Variants in CD72 observed in about 807,000 individuals in gnomAD.
The protein encoded by CD72 is CD72 molecule.
Under a neutral mutation model 50.7 loss-of-function variants are expected in CD72, and 28 were observed. The observed-to-expected ratio is 0.55, with a 90% CI of 0.41 to 0.76. CD72 has a LOEUF of 0.76. Ranked by LOEUF, CD72 falls within the 30% of genes least tolerant of loss-of-function variation. The pLI, the probability that CD72 is intolerant of heterozygous loss-of-function variation, is 0.00. For synonymous variants in CD72, 176 were observed against 171.2 expected (o/e 1.03, Z -0.22); for missense variants, 403 against 420.6 (o/e 0.96, Z 0.37).
chr9:35,614,158 A>C (rs1172431119), intron 5 of CD72, among the ~76,000 whole-genome samples: 1 of 152,368 alleles, frequency 6.6e-6, no homozygotes, highest in East Asian at 1.9e-4. Flanking sequence ...AAGTCAGTGT[A>C]GGGTTTTACA....
intron 3 of CD72, 146 bp from the exon 4 acceptor site, chr9:35,616,835 C>A: frequency 1.0e-6 from 1 of 1,001,004 alleles, no homozygotes; most frequent in South Asian, 1.5e-5. Context: ...ATGGTGGTTT[C>A]TGTCGGGTAG....
intron 4 of CD72, 82 bp from the exon 5 acceptor site, chr9:35,616,360 G>C (rs1823064373): frequency 8.7e-6 from 10 of 1,147,326 alleles, no homozygotes; most frequent in Admixed American, 7.0e-5. Context: ...CCCTTTTTCT[G>C]CTTCTTGCAA....
chr9:35,610,796 T>A (rs183737837), intron 7 of CD72, 43 bp from the exon 8 acceptor site: 4 of 1,538,230 alleles, frequency 2.6e-6, no homozygotes, highest in Non-Finnish European at 3.6e-6. Context: ...TCTGGACATA[T>A]CCCACCCTCC....
upstream of CD72, chr9:35,618,482 T>A (rs755748054): frequency 1.0e-5 from 15 of 1,440,362 alleles, no homozygotes; most frequent in Non-Finnish European, 7.5e-6. Flanking sequence ...CTCAAACAGA[T>A]GGGCTCAATG....
intron 1 of CD72, among the ~76,000 whole-genome samples, chr9:35,636,155 GTTGT>G (rs1302173978): frequency 6.6e-6 from 1 of 152,072 alleles, no homozygotes; most frequent in African/African-American, 2.4e-5. Context: ...AGTTTTGTAG[GTTGT>G]TTAACAGCAT....
At chr9:35,638,404 C>T (rs527781449) in intron 1 of CD72, among the ~76,000 whole-genome samples, 232 of 152,258 alleles carry the variant, frequency 1.5e-3, no homozygotes, top group Non-Finnish European at 2.5e-3. Flanking sequence ...TATAACCCTT[C>T]TATCACCTCC....
At chr9:35,632,503 A>T (rs1260946575) in intron 1 of CD72, among the ~76,000 whole-genome samples, 1 of 150,364 alleles carries the variant, frequency 6.7e-6, no homozygotes. Flanking sequence ...TTTCTTTCTC[A>T]TAACTAATCT....
intron 1 of CD72, among the ~76,000 whole-genome samples, chr9:35,626,133 G>T (rs1338168937): frequency 6.6e-6 from 1 of 150,604 alleles, no homozygotes; most frequent in South Asian, 2.1e-4. Context: ...AAGAGGATTC[G>T]CCATTCTAGA....
upstream of CD72, among the ~76,000 whole-genome samples, chr9:35,621,514 T>A (rs1384743837): frequency 6.6e-6 from 1 of 152,190 alleles, no homozygotes; most frequent in Non-Finnish European, 1.5e-5. Context: ...CAGGGTGTGG[T>A]AGCCAGAATA....
intron 1 of CD72, among the ~76,000 whole-genome samples, chr9:35,637,548 C>G (rs1253432690): frequency 6.6e-6 from 1 of 152,210 alleles, no homozygotes; most frequent in African/African-American, 2.4e-5. Flanking sequence ...CCCTCTCTTG[C>G]TACCCTTCAA....
At chr9:35,644,394 G>A (rs1307634613) in intron 1 of CD72, among the ~76,000 whole-genome samples, 2 of 146,692 alleles carry the variant, frequency 1.4e-5, no homozygotes, top group African/African-American at 5.0e-5. Flanking sequence ...TTATTTGTAA[G>A]GACTGGCTCC....
chr9:35,640,583 C>A (rs559644408), intron 1 of CD72, among the ~76,000 whole-genome samples: 1 of 152,358 alleles, frequency 6.6e-6, no homozygotes, highest in East Asian at 1.9e-4. Flanking sequence ...TCGGGAGTGG[C>A]AATGGGAGTC....
At chr9:35,630,530 A>G (rs894845028) in intron 1 of CD72, among the ~76,000 whole-genome samples, 1 of 152,114 alleles carries the variant, frequency 6.6e-6, no homozygotes, top group African/African-American at 2.4e-5. Context: ...GTTTATTCCC[A>G]TCTTGTTTTA....
At chr9:35,644,794 T>C (rs896052240) in intron 1 of CD72, among the ~76,000 whole-genome samples, 2 of 151,484 alleles carry the variant, frequency 1.3e-5, no homozygotes, top group Non-Finnish European at 2.9e-5. Context: ...AGTGAAGACA[T>C]CAGAGGTTCA....
At chr9:35,645,258 A>C (rs985142520) in intron 1 of CD72, among the ~76,000 whole-genome samples, 4 of 151,976 alleles carry the variant, frequency 2.6e-5, no homozygotes, top group Non-Finnish European at 4.4e-5. Context: ...CAGAAGGCAA[A>C]TATAGCTCTG....
chr9:35,610,485 A>G (rs1587898754), intron 8 of CD72, 117 bp downstream of exon 8: 1 of 362,050 alleles, frequency 2.8e-6, no homozygotes, highest in Non-Finnish European at 4.6e-6. Flanking sequence ...GCTGTGGAGG[A>G]ACTTTCATCC....
chr9:35,623,711 G>T (rs1053961301), upstream of CD72, among the ~76,000 whole-genome samples: 1 of 152,108 alleles, frequency 6.6e-6, no homozygotes, highest in African/African-American at 2.4e-5. Flanking sequence ...GAGGTCAGGA[G>T]TTCAAGACCA....
intron 2 of CD72, 100 bp from the exon 3 acceptor site, chr9:35,617,347 T>C (rs1823082146): frequency 1.5e-6 from 2 of 1,301,744 alleles, no homozygotes; most frequent in Admixed American, 5.2e-5. Context: ...AACTCCAGTC[T>C]GCCCTACGTT....
At position 35,616,270 on chromosome 9, in the gene CD72, C is replaced by T. The variant is rs781106237; in HGVS notation, c.361G>A (p.Val121Met). The change falls in exon 5 of 9, where the codon GTG (valine) becomes ATG (methionine). Residue 121 changes from valine (V) to methionine (M), a missense_variant. Coordinates refer to ENST00000259633, the MANE Select transcript of CD72 (RefSeq NM_001782.3). ...TTCGTCTGCTGGAGCTGCTGAGACACCTGCAGATCTGTTTGGCCACAGAGA... is the reference window on the plus strand; with the variant it reads ...TTCGTCTGCTGGAGCTGCTGAGACATCTGCAGATCTGTTTGGCCACAGAGA... ...AICLGVRYLQ[V>M]SQQLQQTNRV... The T allele has an allele frequency of 1.2e-6, 2 of 1,612,080 alleles. No individual in the cohort carries two copies. The highest frequency in any genetic ancestry group is 2.7e-5 in the African/African-American group (2 of 74,860).
Sources: gnomAD v4.1 joint callset for allele counts (sites outside exome capture counted in the v4.1 genomes callset) on GRCh38, gnomAD v4.1.1 for gene constraint, MANE v1.5 for transcripts, NCBI Gene and HGNC (gene_info 2026-07-23, HGNC 2026-07-21) for gene names.